Variants in KLHL13 observed in about 807,000 individuals in gnomAD.
KLHL13 encodes the protein kelch-like protein 13.
In KLHL13, 10 loss-of-function variants were observed where a neutral mutation model predicts 37.1. That is an observed-to-expected ratio of 0.27 (90% CI 0.17 to 0.46). The LOEUF is 0.46. Among genes scored for constraint, KLHL13 ranks in the 20% least tolerant of loss-of-function variants. The probability of loss-of-function intolerance (pLI) is 1.00; values close to 1 mark genes in which losing one functional copy is unlikely to be tolerated. For synonymous variants in KLHL13, 163 were observed against 181.2 expected (o/e 0.90, Z 0.81); for missense variants, 360 against 509.3 (o/e 0.71, Z 2.82).
At chrX:118,111,879 G>A (rs1483095479) in intron 1 of KLHL13, among the ~76,000 whole-genome samples, 1 of 111,914 alleles carries the variant, frequency 8.9e-6, no homozygotes, top group Non-Finnish European at 1.9e-5. Flanking sequence ...ACGATAGAGT[G>A]AGAGAGCGAG....
exon 7 of KLHL13, chrX:117,898,968 A>G (rs759589602): frequency 5.8e-6 from 7 of 1,210,603 alleles, no homozygotes; most frequent in Middle Eastern, 2.3e-4. Context: ...CTGGTGGAAA[A>G]ACTGTGAGTG....
At chrX:117,938,526 C>G (rs1181432657) in intron 2 of KLHL13, among the ~76,000 whole-genome samples, 1 of 111,171 alleles carries the variant, frequency 9.0e-6, no homozygotes, top group Admixed American at 9.6e-5. Flanking sequence ...AGTGTTTTAA[C>G]AAGCCCTCCT....
chrX:117,973,086 T>C, exon 1 of KLHL13: 1 of 1,007,615 alleles, frequency 9.9e-7, no homozygotes, highest in Non-Finnish European at 1.3e-6. Context: ...AAGCGTTGAC[T>C]GCAGTATATT....
At chrX:118,020,329 T>C (rs1341544072) in intron 1 of KLHL13, among the ~76,000 whole-genome samples, 1 of 111,795 alleles carries the variant, frequency 8.9e-6, no homozygotes, top group African/African-American at 3.3e-5. Context: ...CTTGTGATTT[T>C]TGTACATTGA....
chrX:118,093,998 T>C (rs985872470), intron 1 of KLHL13, among the ~76,000 whole-genome samples: 2 of 109,589 alleles, frequency 1.8e-5, no homozygotes, highest in African/African-American at 6.7e-5. Context: ...ACGCAGCTCC[T>C]CACCAGCAAC....
intron 1 of KLHL13, among the ~76,000 whole-genome samples, chrX:117,963,720 C>T (rs995800152): frequency 3.1e-5 from 3 of 96,418 alleles, no homozygotes; most frequent in Non-Finnish European, 4.1e-5. Context: ...CACATCCTCT[C>T]CAGCACCTGT....
chrX:118,036,579 T>C (rs749633985), intron 1 of KLHL13, among the ~76,000 whole-genome samples: 35 of 111,789 alleles, frequency 3.1e-4, no homozygotes, highest in Non-Finnish European at 5.6e-4. Context: ...TTATACCTTA[T>C]ACAAAAATCA....
At chrX:118,055,992 C>T (rs911823449) in intron 1 of KLHL13, among the ~76,000 whole-genome samples, 2 of 110,694 alleles carry the variant, frequency 1.8e-5, no homozygotes. Flanking sequence ...AAAAAAGGCA[C>T]CCATATTGGA....
At chrX:118,039,893 G>C (rs1420545170) in intron 1 of KLHL13, among the ~76,000 whole-genome samples, 2 of 111,606 alleles carry the variant, frequency 1.8e-5, no homozygotes, top group East Asian at 2.8e-4. Flanking sequence ...AGAAAAGAGA[G>C]AGAGAGAGAC....
chrX:118,068,274 G>A (rs756533467), intron 1 of KLHL13, among the ~76,000 whole-genome samples: 1 of 111,804 alleles, frequency 8.9e-6, no homozygotes, highest in South Asian at 3.8e-4. Flanking sequence ...TAGAGAGGAA[G>A]ATGGCCGACT....
chrX:117,906,000 CTAATCAACCTAT>C (rs1198254637), intron 5 of KLHL13, among the ~76,000 whole-genome samples: 1 of 111,163 alleles, frequency 9.0e-6, no homozygotes, highest in Non-Finnish European at 1.9e-5. Context: ...TATACTGGTA[CTAATCAACCTAT>C]TAAATTGTTA....
intron 1 of KLHL13, among the ~76,000 whole-genome samples, chrX:118,087,227 A>T (rs1475302968): frequency 1.8e-5 from 2 of 110,452 alleles, no homozygotes; most frequent in African/African-American, 6.6e-5. Flanking sequence ...CATCCCTGTT[A>T]AGAAGTTAAC....
At chrX:118,026,202 C>A (rs945854899) in intron 1 of KLHL13, among the ~76,000 whole-genome samples, 3 of 111,539 alleles carry the variant, frequency 2.7e-5, no homozygotes, top group African/African-American at 9.8e-5. Flanking sequence ...TTACAACATG[C>A]CTGTATTTTA....
chrX:118,048,935 T>C (rs987146017), intron 1 of KLHL13, among the ~76,000 whole-genome samples: 2 of 112,059 alleles, frequency 1.8e-5, no homozygotes. Flanking sequence ...TTGCATAAGT[T>C]CAAGCAATTT....
At chrX:118,097,611 C>T (rs1020208405) in intron 1 of KLHL13, among the ~76,000 whole-genome samples, 24 of 111,606 alleles carry the variant, frequency 2.2e-4, no homozygotes, top group Admixed American at 5.7e-4. Flanking sequence ...AAAAAGAGCC[C>T]GCATTGCCAA....
At chrX:118,021,488 T>C in intron 1 of KLHL13, among the ~76,000 whole-genome samples, 1 of 108,477 alleles carries the variant, frequency 9.2e-6, no homozygotes, top group East Asian at 3.0e-4. Flanking sequence ...GAACATGCGG[T>C]GTTTGGTTTT....
chrX:117,925,637 C>T, intron 2 of KLHL13, among the ~76,000 whole-genome samples: 1 of 111,880 alleles, frequency 8.9e-6, no homozygotes, highest in Non-Finnish European at 1.9e-5. Context: ...ACTGCTTAGA[C>T]TTTAAAAACG....
chrX:117,932,016 TA>T (rs1306530901), intron 2 of KLHL13, among the ~76,000 whole-genome samples: 1 of 111,476 alleles, frequency 9.0e-6, no homozygotes, highest in African/African-American at 3.3e-5. Context: ...TTATATGTAT[TA>T]TTTCTTATTA....
chrX:118,104,346 T>C (rs982771063), intron 1 of KLHL13, among the ~76,000 whole-genome samples: 2 of 111,886 alleles, frequency 1.8e-5, no homozygotes, highest in South Asian at 7.4e-4. Flanking sequence ...GTATAACTTT[T>C]AGAAGTAATT....
Sources: allele counts gnomAD v4.1 joint callset (sites outside exome capture counted in the v4.1 genomes callset), GRCh38; gene constraint gnomAD v4.1.1; transcripts MANE v1.5; gene names NCBI Gene and HGNC (gene_info 2026-07-23, HGNC 2026-07-21).